FAAH2: variants seen among roughly 807,000 people sequenced by gnomAD.
FAAH2 encodes the protein fatty acid amide hydrolase 2.
A neutral mutation model predicts 36.9 loss-of-function variants in FAAH2; 60 were observed. That is an observed-to-expected ratio of 1.63 (90% confidence interval 1.32 to 2.02). The LOEUF (loss-of-function observed/expected upper bound fraction) is 2.02, where lower values mean the gene tolerates loss of function less well. Among genes scored for constraint, FAAH2 ranks in the 30% most tolerant of loss-of-function variants. The pLI is 0.00. For missense variants in FAAH2, 689 were observed against 397.5 expected (o/e 1.73, Z -6.23); for synonymous variants, 214 against 143.8 (o/e 1.49, Z -3.49).
chrX:57,394,071 C>A, intron 7 of FAAH2: 1 of 732,973 alleles, frequency 1.4e-6, no homozygotes, highest in Non-Finnish European at 2.2e-6. Context: ...GCATCAATAG[C>A]CGCAGCAACA....
chrX:57,182,382 GA>G, the FAAH2 span, among the ~76,000 whole-genome samples: 2 of 111,089 alleles, frequency 1.8e-5, no homozygotes, highest in South Asian at 3.7e-4. Context: ...AAATTTACAA[GA>G]AAAAAAGTGG....
rs1219085599 is a variant in FAAH2, at chrX:57,431,778, TG to T, written c.997-139del. 299 of 219,635 alleles carry T rather than the reference TG, an allele frequency of 1.4e-3. 3 individuals carry two copies. The highest frequency in any genetic ancestry group is 0.013 in the African/African-American group (273 of 21,027). 18.1% of individuals were successfully genotyped at this position (219,635 alleles called of 1,213,427 possible). On this transcript the variant is annotated intron_variant, in intron 7 of 10. Transcript: ENST00000374900. Reference sequence around the variant, plus strand: ...TTTTGTTTTTGTTTTTTTGTTTTTTTGTTTTTTTGTTTTTTTTGGTGTTTCC... The same window carrying T: ...TTTTGTTTTTGTTTTTTTGTTTTTTTTTTTTTTGTTTTTTTTGGTGTTTCC...
chrX:57,479,121 T>G (rs1170386700), intron 10 of FAAH2, among the ~76,000 whole-genome samples: 2 of 111,657 alleles, frequency 1.8e-5, no homozygotes, highest in African/African-American at 6.5e-5. Flanking sequence ...TACCAATGAG[T>G]ATGGATTGTT....
intron 3 of FAAH2, among the ~76,000 whole-genome samples, chrX:57,313,674 A>G (rs759600829): frequency 1.8e-5 from 2 of 110,854 alleles, no homozygotes; most frequent in South Asian, 3.9e-4. Flanking sequence ...TAAATGAAGG[A>G]GAAATAAAAT....
the FAAH2 span, among the ~76,000 whole-genome samples, chrX:57,143,324 A>T: frequency 9.0e-6 from 1 of 110,933 alleles, no homozygotes; most frequent in Non-Finnish European, 1.9e-5. Flanking sequence ...TATTCTAACG[A>T]ATTGCTTTAA....
chrX:57,158,573 T>A, the FAAH2 span, among the ~76,000 whole-genome samples: 1 of 112,341 alleles, frequency 8.9e-6, no homozygotes, highest in Non-Finnish European at 1.9e-5. Flanking sequence ...CACTGTGGTT[T>A]TGATTTGCAT....
chrX:57,265,294 C>T, the FAAH2 span, among the ~76,000 whole-genome samples: 1 of 111,581 alleles, frequency 9.0e-6, no homozygotes, highest in East Asian at 2.8e-4. Context: ...CCTGTACATA[C>T]CCCTAAGAAA....
At chrX:57,321,417 T>A (rs73220417) in intron 3 of FAAH2, among the ~76,000 whole-genome samples, 21,941 of 108,778 alleles carry the variant, frequency 0.2, 2,260 homozygotes, top group Non-Finnish European at 0.3. Context: ...TGCACATTTA[T>A]ACCTATGTAA....
intron 7 of FAAH2, among the ~76,000 whole-genome samples, chrX:57,402,023 G>A (rs5915010): frequency 0.53 from 58,964 of 110,368 alleles, 13,649 homozygotes; most frequent in Non-Finnish European, 0.72. Flanking sequence ...ACAGTTGTCC[G>A]GGACAGGAGA....
At chrX:57,182,832 A>G in the FAAH2 span, among the ~76,000 whole-genome samples, 1 of 112,169 alleles carries the variant, frequency 8.9e-6, no homozygotes, top group Admixed American at 9.5e-5. Context: ...AAAATGTGGT[A>G]CATATACACC....
chrX:57,219,390 C>T, the FAAH2 span, among the ~76,000 whole-genome samples: 1 of 111,740 alleles, frequency 8.9e-6, no homozygotes, highest in Non-Finnish European at 1.9e-5. Flanking sequence ...CCCTCCACCC[C>T]AAAGAGCAGG....
At chrX:57,474,423 T>C in intron 10 of FAAH2, among the ~76,000 whole-genome samples, 1 of 111,075 alleles carries the variant, frequency 9.0e-6, no homozygotes, top group East Asian at 2.8e-4. Context: ...GTGTTCTCAT[T>C]GTTCAACTCC....
chrX:57,323,296 G>A (rs939562845), intron 3 of FAAH2, among the ~76,000 whole-genome samples: 3 of 111,368 alleles, frequency 2.7e-5, no homozygotes, highest in South Asian at 3.7e-4. Context: ...ATAAACATAC[G>A]TGTGCATGTG....
At chrX:57,388,375 T>C (rs189863777) in intron 7 of FAAH2, among the ~76,000 whole-genome samples, 1,127 of 111,308 alleles carry the variant, frequency 0.01, 17 homozygotes, top group Admixed American at 0.054. Flanking sequence ...TATTTTATAA[T>C]CCAGGTCTTT....
the FAAH2 span, among the ~76,000 whole-genome samples, chrX:57,221,117 C>T: frequency 1.8e-5 from 2 of 111,333 alleles, no homozygotes; most frequent in African/African-American, 6.5e-5. Context: ...CGAGTCCCCC[C>T]TCCACTTTTC....
intron 10 of FAAH2, among the ~76,000 whole-genome samples, chrX:57,487,733 G>T (rs1280208862): frequency 2.7e-5 from 3 of 111,974 alleles, no homozygotes; most frequent in Admixed American, 9.5e-5. Context: ...AATGTTAAAT[G>T]TAAATTTGTC....
the FAAH2 span, among the ~76,000 whole-genome samples, chrX:57,252,871 C>A: frequency 8.9e-6 from 1 of 112,601 alleles, no homozygotes. Flanking sequence ...CAAAGGAACA[C>A]AACTCCTTGC....
the FAAH2 span, among the ~76,000 whole-genome samples, chrX:57,140,020 G>C: frequency 9.0e-6 from 1 of 111,586 alleles, no homozygotes; most frequent in Non-Finnish European, 1.9e-5. Flanking sequence ...TTTTTGTGTT[G>C]TCTTTATTTT....
chrX:57,261,293 C>A, the FAAH2 span, among the ~76,000 whole-genome samples: 1 of 110,734 alleles, frequency 9.0e-6, no homozygotes, highest in African/African-American at 3.3e-5. Context: ...TTGGCCAGAT[C>A]TGTAATCCCA....
Sources: allele counts gnomAD v4.1 joint callset (sites outside exome capture counted in the v4.1 genomes callset), GRCh38; gene constraint gnomAD v4.1.1; transcripts MANE v1.5; gene names NCBI Gene and HGNC (gene_info 2026-07-23, HGNC 2026-07-21).